The following CTSC variants were observed in gnomAD, a reference collection of about 807,000 sequenced individuals.
The protein encoded by CTSC is dipeptidyl peptidase 1.
A neutral mutation model predicts 40.9 loss-of-function variants in CTSC; 37 were observed. That is an observed-to-expected ratio of 0.91 (90% CI 0.70 to 1.19). The LOEUF (loss-of-function observed/expected upper bound fraction) is 1.19. Among genes scored for constraint, CTSC ranks in the 50% most tolerant of loss-of-function variants. The pLI is 0.00. For synonymous variants in CTSC, 232 were observed against 207.4 expected, an observed-to-expected ratio of 1.12 and a Z score of -1.02; for missense variants, 594 against 567.3, an observed-to-expected ratio of 1.05 and a Z score of -0.48.
At chr11:88,316,239 T>C (rs1398738926) in intron 2 of CTSC, among the ~76,000 whole-genome samples, 1 of 152,200 alleles carries the variant, frequency 6.6e-6, no homozygotes, top group East Asian at 1.9e-4. Context: ...CTGCCTAGAC[T>C]GCTCTGCCAC....
At position 88,312,318 on chromosome 11, in the gene CTSC, A is replaced by G. The variant is rs539989702; in HGVS notation, c.485+70T>C. The G allele has an allele frequency of 4.8e-5, 72 of 1,504,072 alleles. No homozygotes were observed. In the Admixed American group the frequency reaches 1.0e-3, roughly 21 times the overall value. 93.2% of individuals were successfully genotyped at this position (1,504,072 alleles called of 1,614,324 possible). A position where few individuals can be genotyped will look rare whatever the true frequency, so the allele number is the denominator to read the frequency against. The stretch of plus-strand genomic sequence containing the variant: ...TTTGTATAATCAAACTAAAATTCCA[A>G]AAATGTACACACATATTCATATATA... On this transcript the variant is annotated intron_variant, in intron 3 of 6. Transcript: ENST00000227266.
At chr11:88,337,391 T>C in intron 1 of CTSC, 110 bp downstream of exon 1, 1 of 1,140,112 alleles carries the variant, frequency 8.8e-7, no homozygotes, top group Non-Finnish European at 1.3e-6. Flanking sequence ...CAAGATGCTC[T>C]GGCCACCCAC....
Position 88,294,439 on chromosome 11 carries a change from G to A in CTSC, c.959C>T (p.Ala320Val). Residue 320 changes from alanine to valine, a missense_variant, in exon 7 of 7, where the codon GCT becomes GTT. Coordinates refer to ENST00000227266, the MANE Select transcript of CTSC (RefSeq NM_001814.6). ...ATCAGTGCCTGTGTAGGGGAAGCAA[G>A]CTTCTTCCACCAGCCCAAAATCTTG... is the stretch of plus-strand genomic sequence containing the variant. ...YAQDFGLVEE[A>V]CFPYTGTDSP... The A allele has an allele frequency of 6.2e-7, 1 of 1,614,096 alleles. No individual in the cohort carries two copies. Among genetic ancestry groups the A allele is most frequent in the Non-Finnish European group, 8.5e-7 (1 of 1,179,992 alleles).
At position 88,293,942 on chromosome 11, in the gene CTSC, T is replaced by A; in HGVS notation, c.*64A>T. 6.5e-7 allele frequency: 1 copy of A among 1,548,026 alleles called. No homozygotes were observed. The highest frequency in any genetic ancestry group is 8.9e-7 in the Non-Finnish European group (1 of 1,125,886). The stretch of plus-strand genomic sequence containing the variant: ...AGATTGCTGCTGAAAGTCTACAGTC[T>A]GTGAATATACCAATTCCCCTTTACA... On this transcript the variant is annotated 3_prime_UTR_variant, in exon 7 of 7. Coordinates refer to ENST00000227266, the MANE Select transcript of CTSC (RefSeq NM_001814.6).
At chr11:88,335,862 T>C (rs1308022109) in intron 1 of CTSC, among the ~76,000 whole-genome samples, 1 of 152,210 alleles carries the variant, frequency 6.6e-6, no homozygotes, top group African/African-American at 2.4e-5. Flanking sequence ...CAAAATGATC[T>C]ATTCGGAGAA....
intron 6 of CTSC, among the ~76,000 whole-genome samples, chr11:88,295,289 T>C (rs1016718065): frequency 6.6e-6 from 1 of 152,184 alleles, no homozygotes; most frequent in Non-Finnish European, 1.5e-5. Flanking sequence ...CTTGAAAGCA[T>C]AAACTTTAAA....
At chr11:88,335,308 G>A (rs1409264430) in intron 1 of CTSC, among the ~76,000 whole-genome samples, 1 of 152,000 alleles carries the variant, frequency 6.6e-6, no homozygotes, top group Non-Finnish European at 1.5e-5. Context: ...GATAATGCAA[G>A]CAGAAGCAGT....
At chr11:88,322,722 G>T (rs192998130) in intron 2 of CTSC, 1 of 152,304 alleles carries the variant, frequency 6.6e-6, no homozygotes, top group East Asian at 1.9e-4. Flanking sequence ...GAATCAGGAA[G>T]AAGTTGGATC....
intron 1 of CTSC, 54 bp from the exon 2 acceptor site, chr11:88,335,136 G>T: frequency 8.6e-7 from 1 of 1,161,096 alleles, no homozygotes; most frequent in Non-Finnish European, 1.3e-6. Context: ...ATTTCAATAG[G>T]GGAAAGAATC....
chr11:88,300,725 T>C (rs1051036769), intron 4 of CTSC, 80 bp from the exon 5 acceptor site: 6 of 904,026 alleles, frequency 6.6e-6, no homozygotes, highest in East Asian at 2.5e-5. Context: ...TATAATTCTA[T>C]GATTTCAGCT....
At chr11:88,300,403 T>C (rs992769458) in intron 5 of CTSC, 127 bp downstream of exon 5, 26 of 675,624 alleles carry the variant, frequency 3.8e-5, no homozygotes, top group Non-Finnish European at 6.4e-5. Context: ...GGCCACCTAT[T>C]TTCTATTTCT....
chr11:88,295,675 C>T lies in CTSC; in HGVS notation c.889+458G>A, dbSNP rs917574496. On this transcript the variant is annotated intron_variant, in intron 6 of 6. Coordinates refer to ENST00000227266, the MANE Select transcript of CTSC (RefSeq NM_001814.6). Reference sequence around the variant, plus strand: ...GGGTTATAGGCATAAGCCACTGTGCCCAGCCCTAAGTACAGAATTTTAAAA... The same window carrying T: ...GGGTTATAGGCATAAGCCACTGTGCTCAGCCCTAAGTACAGAATTTTAAAA... 3.3e-5 allele frequency among the ~76,000 whole-genome samples: 5 copies of T among 152,172 alleles called. No homozygotes were observed. In the South Asian group the frequency reaches 1.0e-3, roughly 32 times the overall value.
intron 1 of CTSC, among the ~76,000 whole-genome samples, chr11:88,335,549 C>A (rs1419943620): frequency 6.6e-6 from 1 of 152,132 alleles, no homozygotes; most frequent in Non-Finnish European, 1.5e-5. Context: ...CAACTGCATT[C>A]CAACCTGGGC....
chr11:88,310,379 A>G (rs1937726054), intron 3 of CTSC, among the ~76,000 whole-genome samples: 1 of 152,158 alleles, frequency 6.6e-6, no homozygotes, highest in Admixed American at 6.5e-5. Flanking sequence ...CCTGTGTGCT[A>G]GATGCTAGGA....
At chr11:88,337,270 T>G (rs1212769906) in intron 1 of CTSC, among the ~76,000 whole-genome samples, 1 of 152,200 alleles carries the variant, frequency 6.6e-6, no homozygotes, top group East Asian at 1.9e-4. Flanking sequence ...GATCAAAGTG[T>G]TGAGTCCCCA....
chr11:88,295,977 C>A (rs763380812), intron 6 of CTSC, among the ~76,000 whole-genome samples, 156 bp downstream of exon 6: 29 of 152,140 alleles, frequency 1.9e-4, no homozygotes, highest in Non-Finnish European at 4.0e-4. Context: ...CATGAGCAAT[C>A]ATCCATTAAT....
chr11:88,334,841 T>C (rs1178957654), intron 2 of CTSC, 96 bp downstream of exon 2: 3 of 928,274 alleles, frequency 3.2e-6, no homozygotes, highest in African/African-American at 1.6e-5. Flanking sequence ...GGTCATCTTC[T>C]TAATCTAAAA....
At position 88,312,513 on chromosome 11, in the gene CTSC, C is replaced by T; in HGVS notation, c.360G>A (p.Glu120=). The T allele has an allele frequency of 6.2e-7, 1 of 1,614,206 alleles. No individual in the cohort carries two copies. Among genetic ancestry groups the T allele is most frequent in the Non-Finnish European group, 8.5e-7 (1 of 1,180,032 alleles). Residue 120 remains glutamate, a synonymous_variant, in exon 3 of 7, where the codon GAG becomes GAA. Coordinates refer to ENST00000227266, the MANE Select transcript of CTSC (RefSeq NM_001814.6). ...CATCATGCACCCACCCAGTCATTGT[C>T]TCGTTGCAGTAAGTGGTCACCTTGC... ...EGSKVTTYCN[E]TMTGWVHDVL...
intron 1 of CTSC, among the ~76,000 whole-genome samples, chr11:88,337,051 T>C (rs1033023361): frequency 5.3e-5 from 8 of 152,154 alleles, no homozygotes; most frequent in African/African-American, 1.7e-4. Context: ...AGAAAGTCCC[T>C]TTCCCACCAT....
Sources: gnomAD v4.1 joint callset for allele counts (sites outside exome capture counted in the v4.1 genomes callset) on GRCh38, gnomAD v4.1.1 for gene constraint, MANE v1.5 for transcripts, NCBI Gene and HGNC (gene_info 2026-07-23, HGNC 2026-07-21) for gene names.